The following ATP11A variants were observed in gnomAD, a reference collection of about 807,000 sequenced individuals.
ATP11A encodes phospholipid-transporting ATPase IH.
Under a neutral mutation model 154.4 loss-of-function variants are expected in ATP11A, and 81 were observed. The ratio of observed to expected loss-of-function variants is 0.52; its 90% CI spans 0.44 to 0.63. The LOEUF is 0.63. ATP11A is among the 30% of genes least tolerant of loss of function. The pLI, the probability that ATP11A is intolerant of heterozygous loss-of-function variation, is 0.00. For synonymous variants in ATP11A, 623 were observed against 585.9 expected, an observed-to-expected ratio of 1.06 and a Z score of -0.91; for missense variants, 1,316 against 1,474.3, an observed-to-expected ratio of 0.89 and a Z score of 1.76.
At chr13:112,695,667 G>T (rs184041700) in intron 1 of ATP11A, among the ~76,000 whole-genome samples, 2 of 152,328 alleles carry the variant, frequency 1.3e-5, no homozygotes, top group East Asian at 3.9e-4. Context: ...AGTTAAAACT[G>T]TGTTGAATCC....
At chr13:112,775,568 CTT>C (rs2077328298) in intron 1 of ATP11A, among the ~76,000 whole-genome samples, 1 of 152,130 alleles carries the variant, frequency 6.6e-6, no homozygotes, top group Admixed American at 6.5e-5. Flanking sequence ...TTTCAAATGA[CTT>C]ATATAAAAAT....
intron 18 of ATP11A, among the ~76,000 whole-genome samples, chr13:112,853,448 T>C: frequency 6.6e-6 from 1 of 152,216 alleles, no homozygotes; most frequent in Non-Finnish European, 1.5e-5. Context: ...ATCCATTCCT[T>C]TCATACTTTC....
intron 1 of ATP11A, among the ~76,000 whole-genome samples, chr13:112,729,196 C>T (rs552055694): frequency 1.3e-5 from 2 of 152,356 alleles, no homozygotes; most frequent in Admixed American, 6.5e-5. Flanking sequence ...ACGCAGGACT[C>T]TCCACACGTC....
chr13:112,714,009 C>T (rs1312183394), intron 1 of ATP11A, among the ~76,000 whole-genome samples: 31 of 150,814 alleles, frequency 2.1e-4, no homozygotes, highest in Middle Eastern at 3.4e-3. Context: ...CTTCCACTCC[C>T]CCCCACCCCT....
intron 23 of ATP11A, 137 bp from the exon 24 acceptor site, chr13:112,860,150 C>G: frequency 3.2e-6 from 3 of 944,442 alleles, no homozygotes; most frequent in Admixed American, 2.5e-5. Flanking sequence ...ATCACAGACC[C>G]TAGTTTATAT....
chr13:112,693,935 A>G (rs553605954), intron 1 of ATP11A, among the ~76,000 whole-genome samples: 70 of 152,336 alleles, frequency 4.6e-4, no homozygotes, highest in African/African-American at 1.6e-3. Context: ...CTGGGCAACA[A>G]GAGCGAAACT....
At chr13:112,724,006 TAAATA>T (rs1417479721) in intron 1 of ATP11A, among the ~76,000 whole-genome samples, 2 of 151,942 alleles carry the variant, frequency 1.3e-5, no homozygotes, top group African/African-American at 4.8e-5. Context: ...TCTCAACTTT[TAAATA>T]AAGAAGATGA....
Position 112,819,417 on chromosome 13 carries a change from A to G in ATP11A, c.674+10A>G, listed in dbSNP as rs774148610. The G allele has an allele frequency of 8.1e-6, 13 of 1,613,744 alleles. No homozygotes were observed. Among genetic ancestry groups the G allele is most frequent in the Non-Finnish European group, 1.1e-5 (13 of 1,179,718 alleles). Reference sequence around the variant, plus strand: ...AGCCCGACCTCTACAAGTAAGCGGGAGCTTTGGGTTCTTTAGAAACGGTTT... The same window carrying G: ...AGCCCGACCTCTACAAGTAAGCGGGGGCTTTGGGTTCTTTAGAAACGGTTT... On this transcript the variant is annotated intron_variant, in intron 7 of 29. Coordinates refer to ENST00000375645, the MANE Select transcript of ATP11A (RefSeq NM_015205.3).
chr13:112,832,767 C>T (rs1394220106), intron 13 of ATP11A, 93 bp from the exon 14 acceptor site: 1 of 1,482,744 alleles, frequency 6.7e-7, no homozygotes, highest in South Asian at 1.3e-5. Context: ...GGACCCCCCC[C>T]ACCCCGCTTC....
intron 1 of ATP11A, among the ~76,000 whole-genome samples, chr13:112,706,753 G>T (rs1051386983): frequency 6.6e-6 from 1 of 152,100 alleles, no homozygotes; most frequent in African/African-American, 2.4e-5. Flanking sequence ...AAATTGCTGT[G>T]CTGCTTTTTA....
intron 1 of ATP11A, among the ~76,000 whole-genome samples, chr13:112,742,643 G>A (rs1185613588): frequency 6.6e-6 from 1 of 152,194 alleles, no homozygotes; most frequent in African/African-American, 2.4e-5. Context: ...GCGCAACATC[G>A]GCTTCCTGAG....
chr13:112,781,051 G>A (rs936192129), intron 1 of ATP11A, among the ~76,000 whole-genome samples: 8 of 150,796 alleles, frequency 5.3e-5, no homozygotes, highest in East Asian at 1.9e-4. Flanking sequence ...TTGTTTGTTC[G>A]TTTGTTTGAG....
At chr13:112,879,798 T>G (rs939775551) in intron 29 of ATP11A, among the ~76,000 whole-genome samples, 2 of 152,262 alleles carry the variant, frequency 1.3e-5, no homozygotes, top group Non-Finnish European at 2.9e-5. Context: ...GGGGCATATG[T>G]TACTTCCAGT....
intron 4 of ATP11A, among the ~76,000 whole-genome samples, chr13:112,806,923 T>C (rs1289962132): frequency 7.9e-5 from 12 of 152,208 alleles, no homozygotes; most frequent in Admixed American, 7.9e-4. Context: ...TCACTCAGCA[T>C]GATGTTTTCA....
At chr13:112,722,845 C>A (rs1026693938) in intron 1 of ATP11A, among the ~76,000 whole-genome samples, 1 of 152,122 alleles carries the variant, frequency 6.6e-6, no homozygotes, top group Non-Finnish European at 1.5e-5. Flanking sequence ...ATAGGAAAGA[C>A]GTAAATCAAT....
intron 25 of ATP11A, among the ~76,000 whole-genome samples, chr13:112,871,175 C>T (rs565284259): frequency 9.9e-5 from 15 of 152,186 alleles, no homozygotes; most frequent in Non-Finnish European, 2.1e-4. Flanking sequence ...ACTCGCAGAA[C>T]GTTCCCGCCG....
intron 1 of ATP11A, among the ~76,000 whole-genome samples, chr13:112,741,692 C>CCT (rs1216432449): frequency 1.3e-5 from 2 of 152,128 alleles, no homozygotes; most frequent in African/African-American, 2.4e-5. Flanking sequence ...CGCCAAGCCA[C>CCT]CTCTCTCTCT....
In ATP11A at chr13:112,866,274, C is replaced by T. The variant is rs375366904; in HGVS notation, c.2991+3699C>T. On this transcript the variant is annotated intron_variant, in intron 25 of 29. Transcript: ENST00000375645. ...AAACGTGAATTCCTGTGTGCTTTGTCGGTAGAAACGCTGTTAGCCGCTGCT... is the reference window on the plus strand; with the variant it reads ...AAACGTGAATTCCTGTGTGCTTTGTTGGTAGAAACGCTGTTAGCCGCTGCT... Among the ~76,000 whole-genome samples the T allele has an allele frequency of 3.1e-3, 470 of 152,224 alleles. 3 individuals are homozygous for T. In the South Asian group the frequency reaches 0.031, roughly 10 times the overall value.
At chr13:112,878,177 A>G in intron 28 of ATP11A, 40 bp from the exon 29 acceptor site, 1 of 1,580,198 alleles carries the variant, frequency 6.3e-7, no homozygotes, top group Non-Finnish European at 8.7e-7. Flanking sequence ...CACCTTGTTC[A>G]CACACCCCTG....
Sources: gnomAD v4.1 joint callset for allele counts (sites outside exome capture counted in the v4.1 genomes callset) on GRCh38, gnomAD v4.1.1 for gene constraint, MANE v1.5 for transcripts, NCBI Gene and HGNC (gene_info 2026-07-23, HGNC 2026-07-21) for gene names.